Variants in KIDINS220 observed in about 807,000 individuals in gnomAD.
The protein encoded by KIDINS220 is kinase D-interacting substrate of 220 kDa.
A neutral mutation model predicts 157.6 loss-of-function variants in KIDINS220; 63 were observed. That is an observed-to-expected ratio of 0.40 (90% CI 0.33 to 0.49). The LOEUF (loss-of-function observed/expected upper bound fraction) is 0.49, where lower values mean the gene tolerates loss of function less well. Among genes scored for constraint, KIDINS220 ranks in the 20% least tolerant of loss-of-function variants. The pLI is 0.66. For missense variants in KIDINS220, 1,772 were observed against 2,171.2 expected (o/e 0.82, Z 3.65); for synonymous variants, 732 against 783.6 (o/e 0.93, Z 1.10).
chr2:8,790,346 G>A (rs1227679375), intron 13 of KIDINS220, among the ~76,000 whole-genome samples: 1 of 152,124 alleles, frequency 6.6e-6, no homozygotes, highest in African/African-American at 2.4e-5. Context: ...ATTTTCTTGA[G>A]ATTTGTTTTT....
chr2:8,759,479 C>T (rs529113384), intron 22 of KIDINS220, among the ~76,000 whole-genome samples: 11 of 150,824 alleles, frequency 7.3e-5, no homozygotes, highest in South Asian at 2.1e-4. Context: ...GAAACTTGTA[C>T]GCATGTAATT....
At position 8,748,799 on chromosome 2, in the gene KIDINS220, G is replaced by A. The variant is rs546321094; in HGVS notation, c.3415-799C>T. Among the ~76,000 whole-genome samples, 7 of 152,178 alleles carry A rather than the reference G, an allele frequency of 4.6e-5. 1 individual carries two copies. Among genetic ancestry groups the A allele is most frequent in the African/African-American group, 1.7e-4 (7 of 41,518 alleles). On this transcript the variant is annotated intron_variant, in intron 24 of 29. Coordinates refer to ENST00000256707, the MANE Select transcript of KIDINS220 (RefSeq NM_020738.4). ...AAAGTAGCTAGATTTAAAAACAAGA[G>A]AAAACTGTAAATGTTTTTAAAAATG...
At chr2:8,811,760 A>G (rs1477385429) in intron 6 of KIDINS220, among the ~76,000 whole-genome samples, 1 of 152,122 alleles carries the variant, frequency 6.6e-6, no homozygotes, top group Non-Finnish European at 1.5e-5. Flanking sequence ...TGATTGAGGT[A>G]AGTGTTAAGG....
Position 8,806,314 on chromosome 2 carries a change from T to G in KIDINS220, c.560A>C (p.Lys187Thr). The part of the protein sequence containing the change: ...AARKGHLECV[K>T]HLLAMGADVD... ...ATCAGCTCCCATGGCCAATAAATGT[T>G]TCACACATTCCAAATGACCCTTTCG... The change falls in exon 7 of 30, where the codon AAA becomes ACA. Residue 187 changes from lysine (K) to threonine (T), a missense_variant. Physicochemically the swap from Lys to Thr is moderately conservative, Grantham distance 78. Coordinates refer to ENST00000256707, the MANE Select transcript of KIDINS220 (RefSeq NM_020738.4). 6.2e-7 allele frequency: 1 copy of G among 1,611,340 alleles called. No homozygotes were observed. Among genetic ancestry groups the G allele is most frequent in the South Asian group, 1.1e-5 (1 of 90,484 alleles).
chr2:8,770,868 G>A, intron 21 of KIDINS220, 36 bp from the exon 22 acceptor site: 1 of 1,337,060 alleles, frequency 7.5e-7, no homozygotes, highest in South Asian at 1.4e-5. Flanking sequence ...AAAATTAATA[G>A]ATGTGTGATA....
In KIDINS220 at chr2:8,751,492, T is replaced by C. The variant is rs1287634018; in HGVS notation, c.3164A>G (p.Asp1055Gly). 1 of 1,609,746 alleles carries C rather than the reference T, an allele frequency of 6.2e-7. No homozygotes were observed. Among genetic ancestry groups the C allele is most frequent in the South Asian group, 1.1e-5 (1 of 89,324 alleles). The change falls in exon 23 of 30, where the codon GAT becomes GGT. Residue 1055 changes from aspartate to glycine, a missense_variant. By Grantham distance (94) the Asp-to-Gly change is moderately conservative (BLOSUM62 -1). Coordinates refer to ENST00000256707, the MANE Select transcript of KIDINS220 (RefSeq NM_020738.4). ...TGCAATAATTTCCCGTAGTTTGGGA[T>C]CTAGGTTTACAGTGCATGGCAAAAA... ...KVFLPCTVNL[D>G]PKLREIIADV...
intron 26 of KIDINS220, among the ~76,000 whole-genome samples, chr2:8,743,436 TAA>T (rs1665906976): frequency 2.0e-5 from 3 of 152,152 alleles, no homozygotes; most frequent in Admixed American, 6.5e-5. Flanking sequence ...ATGAAGTACT[TAA>T]AGTATGCTAA....
At chr2:8,807,841 A>G (rs866968611) in intron 6 of KIDINS220, among the ~76,000 whole-genome samples, 2 of 151,934 alleles carry the variant, frequency 1.3e-5, no homozygotes, top group South Asian at 4.1e-4. Flanking sequence ...ATACAGGATG[A>G]GCAGGCACTG....
intron 17 of KIDINS220, among the ~76,000 whole-genome samples, chr2:8,782,727 A>G (rs568411611): frequency 6.6e-6 from 1 of 152,382 alleles, no homozygotes; most frequent in East Asian, 1.9e-4. Context: ...CAAGAAAAGC[A>G]AACTACAAAC....
intron 6 of KIDINS220, among the ~76,000 whole-genome samples, chr2:8,809,029 T>G (rs961325861): frequency 9.9e-5 from 15 of 152,112 alleles, no homozygotes; most frequent in Non-Finnish European, 2.2e-4. Flanking sequence ...TTGTTTGTTT[T>G]TTTCTTTGAG....
intron 29 of KIDINS220, 53 bp downstream of exon 29, chr2:8,733,391 C>A: frequency 7.0e-7 from 1 of 1,423,090 alleles, no homozygotes; most frequent in Non-Finnish European, 9.8e-7. Flanking sequence ...TCTCAGTGAA[C>A]TGAACGGTGT....
chr2:8,822,039 T>C (rs1187935451), intron 2 of KIDINS220, among the ~76,000 whole-genome samples: 1 of 152,156 alleles, frequency 6.6e-6, no homozygotes, highest in Non-Finnish European at 1.5e-5. Flanking sequence ...CTACTACTCA[T>C]AGTGACTTCA....
Position 8,818,770 on chromosome 2 carries a change from T to C in KIDINS220, c.132A>G (p.Ile44Met), listed in dbSNP as rs774936892. 6.2e-7 allele frequency: 1 copy of C among 1,609,462 alleles called. No homozygotes were observed. Among genetic ancestry groups the C allele is most frequent in the Admixed American group, 1.7e-5 (1 of 59,622 alleles). The change falls in exon 3 of 30, where the codon ATA becomes ATG. Residue 44 changes from isoleucine to methionine, a missense_variant. Ile to Met is a conservative substitution (Grantham distance 10). This residue lies in a region of KIDINS220 where 254 missense variants were observed against 268.6 expected (regional missense o/e 0.95). Coordinates refer to ENST00000256707, the MANE Select transcript of KIDINS220 (RefSeq NM_020738.4). ...RNECGQTPLM[I>M]AAEQGNLEIV... ...TTTCCAGATTGCCTTGTTCGGCAGC[T>C]ATCATCAGTGGAGTCTGGCCACACT...
chr2:8,794,958 G>A (rs745981748), intron 11 of KIDINS220, among the ~76,000 whole-genome samples: 1 of 152,126 alleles, frequency 6.6e-6, no homozygotes, highest in Non-Finnish European at 1.5e-5. Flanking sequence ...TCTGTGCTTC[G>A]TACTTTGGAG....
At chr2:8,816,807 C>T (rs1305397332) in intron 4 of KIDINS220, among the ~76,000 whole-genome samples, 8 of 152,192 alleles carry the variant, frequency 5.3e-5, no homozygotes, top group African/African-American at 1.7e-4. Flanking sequence ...CAGTGGTTCC[C>T]TGTATCTTCC....
At chr2:8,757,209 C>T (rs1278690476) in intron 22 of KIDINS220, 1 of 971,236 alleles carries the variant, frequency 1.0e-6, no homozygotes, top group African/African-American at 1.8e-5. Flanking sequence ...TTTTTCCCAA[C>T]AAAAGTGCAT....
At chr2:8,793,618 T>C (rs1673505163) in intron 12 of KIDINS220, among the ~76,000 whole-genome samples, 192 bp downstream of exon 12, 1 of 152,180 alleles carries the variant, frequency 6.6e-6, no homozygotes, top group African/African-American at 2.4e-5. Flanking sequence ...TTTAATCTTT[T>C]TGTGGAGATG....
chr2:8,759,525 G>A (rs1371432673), intron 22 of KIDINS220, among the ~76,000 whole-genome samples: 1 of 149,976 alleles, frequency 6.7e-6, no homozygotes, highest in African/African-American at 2.5e-5. Flanking sequence ...TCAGTAGAAT[G>A]TCATCATATA....
At chr2:8,810,664 T>C (rs187091319) in intron 6 of KIDINS220, among the ~76,000 whole-genome samples, 1 of 152,194 alleles carries the variant, frequency 6.6e-6, no homozygotes, top group African/African-American at 2.4e-5. Flanking sequence ...CACGCACCTG[T>C]AATCCCAGCT....
Sources: allele counts gnomAD v4.1 joint callset (sites outside exome capture counted in the v4.1 genomes callset), GRCh38; gene constraint gnomAD v4.1.1; regional missense constraint gnomAD v4.1.1; transcripts MANE v1.5; gene names NCBI Gene and HGNC (gene_info 2026-07-23, HGNC 2026-07-21).